Variants in ARL17B observed in about 807,000 individuals in gnomAD.
ARL17B encodes ADP-ribosylation factor-like protein 17.
intron 2 of ARL17B, among the ~76,000 whole-genome samples, chr17:46,357,127 C>T (rs1241490778): frequency 1.2e-5 from 1 of 86,334 alleles, no homozygotes; most frequent in Non-Finnish European, 2.1e-5. Flanking sequence ...GAGCCGAGAT[C>T]GCGCCACTGT....
intron 4 of ARL17B, among the ~76,000 whole-genome samples, chr17:46,279,704 C>T (rs1377210951): frequency 2.6e-5 from 4 of 151,784 alleles, no homozygotes; most frequent in South Asian, 2.1e-4. Flanking sequence ...TCATGTTGCC[C>T]GGGCTGGTCT....
At chr17:46,280,569 CTTTTTTTTT>C (rs56981193) in intron 4 of ARL17B, among the ~76,000 whole-genome samples, 7 of 112,012 alleles carry the variant, frequency 6.2e-5, no homozygotes, top group Non-Finnish European at 1.0e-4. Context: ...TGATAGCACA[CTTTTTTTTT>C]TTTTTTTTTT....
intron 3 of ARL17B, among the ~76,000 whole-genome samples, chr17:46,351,782 C>T (rs996569277): frequency 6.6e-6 from 1 of 152,144 alleles, no homozygotes; most frequent in African/African-American, 2.4e-5. Context: ...CAAGTACATG[C>T]AGGAGAATCT....
At chr17:46,324,040 G>A (rs532397561) in intron 3 of ARL17B, among the ~76,000 whole-genome samples, 4 of 115,450 alleles carry the variant, frequency 3.5e-5, no homozygotes, top group African/African-American at 8.8e-5. Context: ...TGCAGACACC[G>A]AGGGACAACT....
chr17:46,285,647 G>C (rs2049888074), intron 4 of ARL17B, among the ~76,000 whole-genome samples: 1 of 152,234 alleles, frequency 6.6e-6, no homozygotes, highest in Non-Finnish European at 1.5e-5. Flanking sequence ...GTATAAAGAA[G>C]TGAGTCACGT....
At chr17:46,276,462 A>AC (rs1255977259) in intron 4 of ARL17B, among the ~76,000 whole-genome samples, 5 of 152,232 alleles carry the variant, frequency 3.3e-5, no homozygotes, top group Non-Finnish European at 7.3e-5. Flanking sequence ...TAAAACAGTG[A>AC]CCCCAACATC....
chr17:46,285,533 A>G (rs559260187), intron 4 of ARL17B, among the ~76,000 whole-genome samples: 3 of 152,178 alleles, frequency 2.0e-5, no homozygotes, highest in African/African-American at 7.2e-5. Context: ...GAGCCCCCGT[A>G]CCCAGCCACC....
chr17:46,276,569 G>A (rs2049592086), intron 4 of ARL17B, among the ~76,000 whole-genome samples: 1 of 152,172 alleles, frequency 6.6e-6, no homozygotes, highest in South Asian at 2.1e-4. Context: ...ATAACAAAGT[G>A]CAGTAATGAA....
Position 46,324,877 on chromosome 17 carries a change from T to C in ARL17B, c.260-25212A>G, listed in dbSNP as rs1169984133. On this transcript the variant is annotated intron_variant, in intron 3 of 4. Coordinates refer to the ARL17B transcript ENST00000434041. ...ATTTATATATATGTACGTGTATATA[T>C]GTATATGTATGCCTGCAGGGCCCTA... 5.3e-5 allele frequency among the ~76,000 whole-genome samples: 4 copies of C among 75,842 alleles called. 2 individuals are homozygous for C. The highest frequency in any genetic ancestry group is 7.8e-5 in the Non-Finnish European group (2 of 25,766). 49.8% of individuals were successfully genotyped at this position (75,842 alleles called of 152,430 possible). A position where few individuals can be genotyped will look rare whatever the true frequency, so the allele number is the denominator to read the frequency against.
chr17:46,340,071 G>GT lies in ARL17B; in HGVS notation c.260-298dup, dbSNP rs1418627114. 8.7e-5 allele frequency among the ~76,000 whole-genome samples: 8 copies of GT among 91,676 alleles called. 1 individual carries two copies. Among genetic ancestry groups the GT allele is most frequent in the South Asian group, 4.8e-4 (1 of 2,084 alleles). 60.1% of individuals were successfully genotyped at this position (91,676 alleles called of 152,430 possible). On this transcript the variant is annotated intron_variant, in intron 3 of 3. Transcript: ENST00000450673. ...GAGAAACACCTGGGATTGATTCAGA[G>GT]TTTTTTCTGGAATGTTTTCACTGGA...
chr17:46,282,628 C>T (rs2049799985), intron 4 of ARL17B, among the ~76,000 whole-genome samples: 1 of 150,850 alleles, frequency 6.6e-6, no homozygotes, highest in South Asian at 2.1e-4. Context: ...CATACTGTGG[C>T]CCAGGCTGGT....
chr17:46,311,640 C>A lies in ARL17B; in HGVS notation c.260-11975G>T, dbSNP rs2050804066. ...AAAAAAAAACAGGCAAGAAATGTTC[C>A]CTTATTTTGTGAGCTACCTTTATTC... On this transcript the variant is annotated intron_variant, in intron 3 of 4. Transcript: ENST00000434041. Among the ~76,000 whole-genome samples the A allele has an allele frequency of 3.3e-5, 3 of 91,476 alleles. 1 individual carries two copies. The highest frequency in any genetic ancestry group is 1.0e-4 in the African/African-American group (3 of 30,106). The allele number at this position is 91,476 out of a possible 152,430, so 60.0% of individuals were successfully genotyped here.
At chr17:46,287,870 G>A (rs562419466) in intron 4 of ARL17B, among the ~76,000 whole-genome samples, 11 of 152,352 alleles carry the variant, frequency 7.2e-5, no homozygotes, top group South Asian at 2.1e-4. Flanking sequence ...AATAAAAGAC[G>A]TAATGACAAA....
intron 3 of ARL17B, among the ~76,000 whole-genome samples, chr17:46,308,039 A>C (rs145798122): frequency 0.053 from 3,872 of 73,118 alleles, 1,106 homozygotes; most frequent in African/African-American, 0.12. Context: ...TAATAATAAT[A>C]ATCATCATCA....
intron 4 of ARL17B, among the ~76,000 whole-genome samples, chr17:46,291,507 T>C (rs2143463944): frequency 6.6e-6 from 1 of 151,166 alleles, no homozygotes; most frequent in East Asian, 1.9e-4. Context: ...GGCTCCCTGC[T>C]GGAAGTTAAG....
intron 3 of ARL17B, among the ~76,000 whole-genome samples, chr17:46,341,036 C>T (rs1214641872): frequency 1.5e-5 from 1 of 66,364 alleles, no homozygotes; most frequent in African/African-American, 5.3e-5. Flanking sequence ...TCCCCGCGCC[C>T]GGCAAAGCCT....
At chr17:46,284,779 T>G (rs2049860339) in intron 4 of ARL17B, among the ~76,000 whole-genome samples, 1 of 152,376 alleles carries the variant, frequency 6.6e-6, no homozygotes, top group South Asian at 2.1e-4. Context: ...CAACCACACA[T>G]TGAGACTACG....
chr17:46,291,982 A>AC (rs1291325451), intron 4 of ARL17B, among the ~76,000 whole-genome samples: 4 of 124,498 alleles, frequency 3.2e-5, no homozygotes, highest in East Asian at 2.2e-4. Context: ...AAAAAAAAAA[A>AC]AAAAAGCCAA....
chr17:46,305,598 C>T, intron 3 of ARL17B: 1 of 377,706 alleles, frequency 2.6e-6, no homozygotes, highest in Non-Finnish European at 5.6e-6. Flanking sequence ...ACAAATATAA[C>T]TTGATTACAT....
Sources: allele counts gnomAD v4.1 joint callset (sites outside exome capture counted in the v4.1 genomes callset), GRCh38; gene constraint gnomAD v4.1.1; transcripts MANE v1.5; gene names NCBI Gene and HGNC (gene_info 2026-07-23, HGNC 2026-07-21).